PCDHA8: variants seen among roughly 807,000 people sequenced by gnomAD.
PCDHA8 encodes protocadherin alpha 8, also known as protocadherin alpha-8.
PCDHA8 carries 53 observed loss-of-function variants against 61.8 expected under a neutral mutation model. That is an observed-to-expected ratio of 0.86 (90% CI 0.69 to 1.08). The LOEUF is 1.08. Among genes scored for constraint, PCDHA8 ranks in the 50% least tolerant of loss-of-function variants. PCDHA8 has a pLI of 0.00. For synonymous variants in PCDHA8, 618 were observed against 556.6 expected, an observed-to-expected ratio of 1.11 and a Z score of -1.55; for missense variants, 1,293 against 1,245.0, an observed-to-expected ratio of 1.04 and a Z score of -0.58.
chr5:140,862,867 C>A (rs1562571529), intron 1 of PCDHA8: 4 of 70,810 alleles, frequency 5.6e-5, no homozygotes, highest in Non-Finnish European at 9.2e-5. Context: ...TGTGACGCTG[C>A]CAGGTATTAG....
At chr5:140,902,085 GT>G (rs1225919893) in intron 1 of PCDHA8, among the ~76,000 whole-genome samples, 1 of 151,518 alleles carries the variant, frequency 6.6e-6, no homozygotes, top group African/African-American at 2.4e-5. Context: ...TGTTTTAATA[GT>G]TTTTTGGAGT....
chr5:140,992,418 A>G (rs2097510878), intron 3 of PCDHA8, among the ~76,000 whole-genome samples: 1 of 152,164 alleles, frequency 6.6e-6, no homozygotes, highest in South Asian at 2.1e-4. Flanking sequence ...CCCCAGGTCT[A>G]AGAATATTGT....
Position 140,912,620 on chromosome 5 carries a change from G to A in PCDHA8, c.2395-66329G>A, listed in dbSNP as rs149952916. Among the ~76,000 whole-genome samples the A allele has an allele frequency of 2.6e-3, 391 of 152,154 alleles. 2 individuals carry two copies. The highest frequency in any genetic ancestry group is 9.2e-3 in the African/African-American group (380 of 41,510). ...TTTCTTCCTCTTGTCTGATTACTCT[G>A]GATGAGACTTTCAGTACTATGTTGA... On this transcript the variant is annotated intron_variant, in intron 1 of 3. Coordinates refer to ENST00000531613, the MANE Select transcript of PCDHA8 (RefSeq NM_018911.3).
At chr5:140,956,994 A>T (rs2095325479) in intron 1 of PCDHA8, among the ~76,000 whole-genome samples, 1 of 152,168 alleles carries the variant, frequency 6.6e-6, no homozygotes, top group Non-Finnish European at 1.5e-5. Flanking sequence ...AATTCAAGGA[A>T]GTGGTCTGAA....
chr5:140,983,039 A>C (rs1554245052), intron 3 of PCDHA8, among the ~76,000 whole-genome samples: 1 of 152,036 alleles, frequency 6.6e-6, no homozygotes, highest in Non-Finnish European at 1.5e-5. Flanking sequence ...TTTCTCATGG[A>C]AGTGGAAAAT....
At chr5:140,928,034 G>A in intron 1 of PCDHA8, 1 of 1,614,206 alleles carries the variant, frequency 6.2e-7, no homozygotes, top group South Asian at 1.1e-5. Flanking sequence ...GGCATGTCTA[G>A]TGCAGGCCCT....
At chr5:140,853,917 C>A (rs2042908511) in intron 1 of PCDHA8, 1 of 942,718 alleles carries the variant, frequency 1.1e-6, no homozygotes, top group Non-Finnish European at 1.3e-6. Flanking sequence ...ACCTGCAATC[C>A]CAACATTTTG....
intron 1 of PCDHA8, chr5:140,927,356 G>C: frequency 6.2e-7 from 1 of 1,614,076 alleles, no homozygotes. Context: ...GACGAGGGAA[G>C]CAATGGGATA....
chr5:140,863,319 C>A, intron 1 of PCDHA8: 1 of 1,445,714 alleles, frequency 6.9e-7, no homozygotes, highest in Non-Finnish European at 9.4e-7. Context: ...TGGTGTCCAG[C>A]CTGTTAGTGC....
chr5:140,857,717 G>T, intron 1 of PCDHA8: 1 of 1,597,518 alleles, frequency 6.3e-7, no homozygotes, highest in Non-Finnish European at 8.6e-7. Context: ...CGTGCTGGAC[G>T]AGAACGACAA....
intron 1 of PCDHA8, among the ~76,000 whole-genome samples, chr5:140,944,948 A>T (rs1425847139): frequency 6.6e-6 from 1 of 152,200 alleles, no homozygotes; most frequent in African/African-American, 2.4e-5. Context: ...ATGATTGTGA[A>T]TAAGAGTATT....
intron 1 of PCDHA8, chr5:140,863,343 G>A (rs781977341): frequency 6.7e-6 from 9 of 1,338,226 alleles, no homozygotes; most frequent in Non-Finnish European, 5.2e-6. Context: ...CGTTGCTGCT[G>A]TACACGACGC....
At chr5:140,916,261 A>C (rs2077497892) in intron 1 of PCDHA8, among the ~76,000 whole-genome samples, 1 of 152,168 alleles carries the variant, frequency 6.6e-6, no homozygotes. Context: ...GGACCCCAAG[A>C]GCATGCTTGT....
At chr5:140,886,654 T>C (rs2061065769) in intron 1 of PCDHA8, among the ~76,000 whole-genome samples, 1 of 151,782 alleles carries the variant, frequency 6.6e-6, no homozygotes, top group African/African-American at 2.4e-5. Context: ...GGTGAAACCC[T>C]GTCTCTACTA....
At chr5:140,958,796 T>C (rs2095443333) in intron 1 of PCDHA8, among the ~76,000 whole-genome samples, 2 of 152,182 alleles carry the variant, frequency 1.3e-5, no homozygotes, top group Admixed American at 6.5e-5. Context: ...TCTAGTAAAT[T>C]ATCACACCAT....
At chr5:140,850,169 G>A in intron 1 of PCDHA8, 2 of 1,594,742 alleles carry the variant, frequency 1.3e-6, no homozygotes, top group Non-Finnish European at 1.7e-6. Flanking sequence ...TGCTGGACGA[G>A]AACGACAATG....
chr5:140,954,046 G>T (rs1554221229), intron 1 of PCDHA8, among the ~76,000 whole-genome samples: 1 of 152,124 alleles, frequency 6.6e-6, no homozygotes, highest in East Asian at 1.9e-4. Context: ...TTGGTTTTCT[G>T]TTCCTGCATT....
At position 140,883,032 on chromosome 5, in the gene PCDHA8, C is replaced by G. The variant is rs2153389895; in HGVS notation, c.2394+39317C>G. The G allele has an allele frequency of 6.2e-6, 10 of 1,614,064 alleles. No individual in the cohort carries two copies. The South Asian group carries it at 8.8e-5, about 14-fold the overall frequency. ...TATAAAGTGACGGTGTTAGAGAACG[C>G]CTTCAATGGAACATTAGTGATCAAG... On this transcript the variant is annotated intron_variant, in intron 1 of 3. Transcript: ENST00000531613.
chr5:140,911,729 C>T (rs571299791), intron 1 of PCDHA8, among the ~76,000 whole-genome samples: 16 of 152,252 alleles, frequency 1.1e-4, no homozygotes, highest in South Asian at 4.2e-4. Flanking sequence ...GTAAACAGTT[C>T]GTGCCAAGGA....
Sources: allele counts gnomAD v4.1 joint callset (sites outside exome capture counted in the v4.1 genomes callset), GRCh38; gene constraint gnomAD v4.1.1; transcripts MANE v1.5; gene names NCBI Gene and HGNC (gene_info 2026-07-23, HGNC 2026-07-21).